CNTN5: variants seen among roughly 807,000 people sequenced by gnomAD.
The protein encoded by CNTN5 is contactin-5.
Under a neutral mutation model 129.1 loss-of-function variants are expected in CNTN5, and 77 were observed. The observed-to-expected ratio is 0.60, with a 90% CI of 0.50 to 0.72. The LOEUF (loss-of-function observed/expected upper bound fraction) is 0.72. CNTN5 is among the 30% of genes least tolerant of loss of function. The probability of loss-of-function intolerance (pLI) is 0.00; values close to 1 mark genes in which losing one functional copy is unlikely to be tolerated. For synonymous variants in CNTN5, 509 were observed against 465.6 expected (o/e 1.09, Z -1.20); for missense variants, 1,478 against 1,328.8 (o/e 1.11, Z -1.75).
chr11:99,598,373 TCCCTCTCTCTC>T (rs1950206403), intron 3 of CNTN5, among the ~76,000 whole-genome samples: 1 of 16,168 alleles, frequency 6.2e-5, no homozygotes, highest in Admixed American at 5.4e-4. Context: ...TCTCTCTCTC[TCCCTCTCTCTC>T]TCTGTCTCCT....
intron 9 of CNTN5, among the ~76,000 whole-genome samples, chr11:100,040,752 T>C (rs537077441): frequency 6.6e-6 from 1 of 152,110 alleles, no homozygotes; most frequent in South Asian, 2.1e-4. Flanking sequence ...AGCGAGACTC[T>C]GTGGGCGTAG....
chr11:100,144,870 C>T (rs1167096128), intron 13 of CNTN5, among the ~76,000 whole-genome samples: 1 of 149,380 alleles, frequency 6.7e-6, no homozygotes, highest in African/African-American at 2.5e-5. Flanking sequence ...GTGCTAGTTT[C>T]CTTCCTTCTT....
intron 3 of CNTN5, among the ~76,000 whole-genome samples, chr11:99,678,753 G>C (rs1953411597): frequency 6.6e-6 from 1 of 152,004 alleles, no homozygotes; most frequent in South Asian, 2.1e-4. Flanking sequence ...TTAATGCACA[G>C]AGTTCTGTGG....
At chr11:99,150,171 C>A (rs566878691) in intron 1 of CNTN5, among the ~76,000 whole-genome samples, 2 of 151,938 alleles carry the variant, frequency 1.3e-5, no homozygotes, top group Non-Finnish European at 2.9e-5. Flanking sequence ...GGAAGTACAA[C>A]AAAGTTTATA....
chr11:100,353,633 T>C (rs1415929553), intron 24 of CNTN5, among the ~76,000 whole-genome samples: 2 of 151,634 alleles, frequency 1.3e-5, no homozygotes, highest in Non-Finnish European at 3.0e-5. Flanking sequence ...AGTGAGTCTT[T>C]GTCATCTCGC....
intron 1 of CNTN5, among the ~76,000 whole-genome samples, chr11:99,288,561 C>T (rs1336255404): frequency 6.6e-6 from 1 of 151,756 alleles, no homozygotes; most frequent in African/African-American, 2.4e-5. Flanking sequence ...GCTTCAGTGT[C>T]ATTTATCACA....
intron 1 of CNTN5, among the ~76,000 whole-genome samples, chr11:99,315,813 C>T (rs1865315801): frequency 6.7e-6 from 1 of 148,706 alleles, no homozygotes; most frequent in Middle Eastern, 3.5e-3. Flanking sequence ...TATTGCAAGC[C>T]AGTGATTTTT....
At chr11:99,530,729 A>C (rs1947667827) in intron 2 of CNTN5, among the ~76,000 whole-genome samples, 2 of 152,166 alleles carry the variant, frequency 1.3e-5, no homozygotes, top group Non-Finnish European at 2.9e-5. Flanking sequence ...TGTGATAGTG[A>C]ATACGTCTCA....
intron 2 of CNTN5, among the ~76,000 whole-genome samples, chr11:99,468,732 CTTTTTTTT>C (rs113029746): frequency 0.014 from 1,787 of 131,488 alleles, 36 homozygotes; most frequent in African/African-American, 0.047. Flanking sequence ...TTGTTAGAAA[CTTTTTTTT>C]TTTTTTTTTC....
At chr11:99,269,532 T>C (rs1172322691) in intron 1 of CNTN5, among the ~76,000 whole-genome samples, 1 of 151,910 alleles carries the variant, frequency 6.6e-6, no homozygotes, top group Non-Finnish European at 1.5e-5. Context: ...AATGATCTTG[T>C]ACTATGCGTG....
rs552066224 is a variant in CNTN5, at chr11:99,819,687, C to A, written c.199C>A (p.Pro67Thr). Residue 67 changes from proline to threonine, a missense_variant, in exon 4 of 25, where the codon CCC becomes ACC. Physicochemically the swap from Pro to Thr is conservative, Grantham distance 38. Transcript: ENST00000524871. ...ATTAGGAACACTGAGTGCTTCTTCA[C>A]CCAGCTGGCTAGGGGCAGCTCAGAA... is the stretch of plus-strand genomic sequence containing the variant. ...PSLGTLSASS[P>T]SWLGAAQNYY... The A allele has an allele frequency of 6.2e-7, 1 of 1,612,942 alleles. No individual in the cohort carries two copies. Among genetic ancestry groups the A allele is most frequent in the Non-Finnish European group, 8.5e-7 (1 of 1,179,824 alleles).
intron 15 of CNTN5, among the ~76,000 whole-genome samples, chr11:100,218,297 C>A (rs190725714): frequency 1.3e-5 from 2 of 152,038 alleles, no homozygotes; most frequent in African/African-American, 4.8e-5. Context: ...TATCAGCATA[C>A]GCTAAAAAAA....
At chr11:100,064,481 C>T (rs1427319113) in intron 10 of CNTN5, among the ~76,000 whole-genome samples, 1 of 151,812 alleles carries the variant, frequency 6.6e-6, no homozygotes, top group Non-Finnish European at 1.5e-5. Context: ...ACTTACATGT[C>T]TAATATAACA....
intron 2 of CNTN5, among the ~76,000 whole-genome samples, chr11:99,373,023 A>G (rs2136137008): frequency 6.6e-6 from 1 of 152,114 alleles, no homozygotes; most frequent in South Asian, 2.1e-4. Context: ...AGACTGGCCA[A>G]CTTGGTAAAA....
intron 1 of CNTN5, among the ~76,000 whole-genome samples, chr11:99,085,474 A>G (rs748579783): frequency 6.6e-6 from 1 of 151,872 alleles, no homozygotes; most frequent in Non-Finnish European, 1.5e-5. Context: ...GAATTACTTC[A>G]TACTTTTTGG....
intron 1 of CNTN5, among the ~76,000 whole-genome samples, chr11:99,147,577 A>G (rs1859849991): frequency 1.3e-5 from 2 of 152,204 alleles, no homozygotes; most frequent in East Asian, 3.8e-4. Context: ...ACAAGAAATT[A>G]TGAATAATAT....
At chr11:99,840,827 C>G (rs1947463988) in intron 4 of CNTN5, among the ~76,000 whole-genome samples, 1 of 152,130 alleles carries the variant, frequency 6.6e-6, no homozygotes, top group South Asian at 2.1e-4. Context: ...TAGATTCCAT[C>G]AAGCAAAAGA....
intron 2 of CNTN5, among the ~76,000 whole-genome samples, chr11:99,384,446 G>GA (rs1055588486): frequency 3.2e-4 from 49 of 152,150 alleles, no homozygotes; most frequent in African/African-American, 1.2e-3. Flanking sequence ...GCCAAAATGG[G>GA]AAAAAAATGT....
chr11:100,189,549 A>G (rs1565327287), intron 13 of CNTN5, among the ~76,000 whole-genome samples: 2 of 152,218 alleles, frequency 1.3e-5, no homozygotes. Flanking sequence ...GATATTAACA[A>G]TCAGCACAAA....
Sources: allele counts gnomAD v4.1 joint callset (sites outside exome capture counted in the v4.1 genomes callset), GRCh38; gene constraint gnomAD v4.1.1; transcripts MANE v1.5; gene names NCBI Gene and HGNC (gene_info 2026-07-23, HGNC 2026-07-21).